The following EPM2A variants were observed in gnomAD, a reference collection of about 807,000 sequenced individuals.
EPM2A encodes EPM2A glucan phosphatase, laforin, also known as laforin.
In EPM2A, 21 loss-of-function variants were observed where a neutral mutation model predicts 26.5. The observed-to-expected ratio is 0.79, with a 90% CI of 0.56 to 1.14. The LOEUF is 1.14. EPM2A is among the 50% of genes most tolerant of loss of function. The pLI, the probability that EPM2A is intolerant of heterozygous loss-of-function variation, is 0.00. For synonymous variants in EPM2A, 217 were observed against 177.6 expected, an observed-to-expected ratio of 1.22 and a Z score of -1.76; for missense variants, 458 against 440.8, an observed-to-expected ratio of 1.04 and a Z score of -0.35.
Position 145,526,628 on chromosome 6 carries a change from C to T in EPM2A, c.341-24053G>A, listed in dbSNP as rs115485259. Among the ~76,000 whole-genome samples the T allele has an allele frequency of 2.8e-3, 423 of 151,964 alleles. 2 individuals are homozygous for T. The highest frequency in any genetic ancestry group is 9.8e-3 in the African/African-American group (407 of 41,476). ...AGGAACTTCTGTATTTCTATGGGAT[C>T]GGTTGTAATGTCATCTGTCATTTCT... On this transcript the variant is annotated intron_variant, in intron 2 of 3. Transcript: ENST00000450221.
At chr6:145,714,815 A>T (rs1358392983) in intron 1 of EPM2A, among the ~76,000 whole-genome samples, 1 of 152,166 alleles carries the variant, frequency 6.6e-6, no homozygotes, top group African/African-American at 2.4e-5. Context: ...CACAAGAAAG[A>T]CCTGCCCTCA....
chr6:145,429,565 C>T lies in EPM2A; in HGVS notation c.556-45468G>A, dbSNP rs1190046146. On this transcript the variant is annotated intron_variant, in intron 4 of 4. Coordinates refer to the EPM2A transcript ENST00000638717. ...CATGTCAAAATTCTGAATATTATAA[C>T]ATTTTATTTTAAAAACTTCCAGAAC... is the stretch of plus-strand genomic sequence containing the variant. 2.6e-5 allele frequency among the ~76,000 whole-genome samples: 4 copies of T among 151,964 alleles called. No homozygotes were observed. In the South Asian group the frequency reaches 6.2e-4, roughly 24 times the overall value.
At chr6:145,411,895 C>T (rs932219589) in intron 4 of EPM2A, among the ~76,000 whole-genome samples, 4 of 152,156 alleles carry the variant, frequency 2.6e-5, no homozygotes, top group African/African-American at 9.7e-5. Flanking sequence ...CTTCCAAAAA[C>T]ACCTTTGCAG....
chr6:145,717,435 T>A (rs1239413090), intron 1 of EPM2A, among the ~76,000 whole-genome samples: 1 of 152,110 alleles, frequency 6.6e-6, no homozygotes, highest in Non-Finnish European at 1.5e-5. Flanking sequence ...TGCTAAAAAC[T>A]CTCAATAAAT....
chr6:145,670,776 A>G (rs986681061), intron 2 of EPM2A: 45 of 267,080 alleles, frequency 1.7e-4, no homozygotes, highest in Admixed American at 9.8e-4. Flanking sequence ...ATATAAAAAT[A>G]TATTTCGAAA....
At position 145,627,604 on chromosome 6, in the gene EPM2A, C is replaced by G; in HGVS notation, c.808G>C (p.Val270Leu). ...HIVYVHCNAGVGRSTAAVCGW... is the reference protein window; with the variant it reads ...HIVYVHCNAGLGRSTAAVCGW... ...CAGACAGCCGCGGTGGAGCGGCCCA[C>G]CCCAGCGTTGCAGTGCACGTACACG... The change falls in exon 4 of 4, where the codon GTG (valine) becomes CTG (leucine). Residue 270 changes from valine to leucine, a missense_variant. Coordinates refer to ENST00000367519, the MANE Select transcript of EPM2A (RefSeq NM_005670.4). The G allele has an allele frequency of 6.2e-7, 1 of 1,614,232 alleles. No homozygotes were observed. Among genetic ancestry groups the G allele is most frequent in the Non-Finnish European group, 8.5e-7 (1 of 1,180,034 alleles).
At chr6:145,705,546 C>A (rs1184175020) in intron 1 of EPM2A, 19 of 456,168 alleles carry the variant, frequency 4.2e-5, no homozygotes, top group South Asian at 1.9e-4. Context: ...CAGACTGAGA[C>A]CCTGTCTCAA....
At chr6:145,692,159 C>G (rs1445298128) in intron 1 of EPM2A, among the ~76,000 whole-genome samples, 2 of 151,902 alleles carry the variant, frequency 1.3e-5, no homozygotes, top group Non-Finnish European at 2.9e-5. Flanking sequence ...ATCAATCTAA[C>G]AAGAAGACAC....
intron 1 of EPM2A, among the ~76,000 whole-genome samples, chr6:145,689,031 A>G (rs1236546950): frequency 1.3e-5 from 2 of 152,210 alleles, no homozygotes; most frequent in Non-Finnish European, 2.9e-5. Context: ...ATTACCTATT[A>G]AAAATATAAT....
chr6:145,615,885 T>C (rs1164324060), intron 2 of EPM2A, among the ~76,000 whole-genome samples: 1 of 152,128 alleles, frequency 6.6e-6, no homozygotes, highest in Non-Finnish European at 1.5e-5. Context: ...GCATTCAAGA[T>C]GTGACTCGGG....
At chr6:145,452,659 C>T (rs6936299) in intron 4 of EPM2A, among the ~76,000 whole-genome samples, 2 of 148,632 alleles carry the variant, frequency 1.3e-5, no homozygotes, top group Non-Finnish European at 3.0e-5. Flanking sequence ...ACTGCACTCC[C>T]GCCTGGGCAA....
chr6:145,531,655 C>T (rs1780356859), intron 2 of EPM2A, among the ~76,000 whole-genome samples: 1 of 152,122 alleles, frequency 6.6e-6, no homozygotes, highest in Non-Finnish European at 1.5e-5. Flanking sequence ...CATACTATGG[C>T]ATAGCTAAGA....
intron 2 of EPM2A, among the ~76,000 whole-genome samples, chr6:145,571,982 A>T (rs752352394): frequency 2.0e-5 from 3 of 152,092 alleles, no homozygotes; most frequent in Non-Finnish European, 4.4e-5. Flanking sequence ...TATTCCCCAA[A>T]TTTCTTTGTC....
At chr6:145,441,505 T>C (rs1779062850) in intron 4 of EPM2A, among the ~76,000 whole-genome samples, 3 of 152,200 alleles carry the variant, frequency 2.0e-5, no homozygotes. Flanking sequence ...GAAAATGAGT[T>C]TTTCTTTCCT....
At chr6:145,674,701 C>A (rs1245182435) in intron 2 of EPM2A, among the ~76,000 whole-genome samples, 2 of 151,572 alleles carry the variant, frequency 1.3e-5, no homozygotes, top group African/African-American at 4.9e-5. Context: ...GATTGAAGAT[C>A]AAATTAATGA....
chr6:145,699,191 A>G (rs1296437671), intron 1 of EPM2A, among the ~76,000 whole-genome samples: 2 of 152,228 alleles, frequency 1.3e-5, no homozygotes, highest in Non-Finnish European at 2.9e-5. Context: ...TGATTCCCAC[A>G]ATAAATGAAC....
intron 4 of EPM2A, among the ~76,000 whole-genome samples, chr6:145,496,573 A>ACAG (rs1779822942): frequency 6.6e-6 from 1 of 152,022 alleles, no homozygotes; most frequent in Non-Finnish European, 1.5e-5. Flanking sequence ...TTTCAGAAAG[A>ACAG]CAGTCTTCAG....
intron 1 of EPM2A, chr6:145,734,849 G>C (rs954733592): frequency 4.4e-5 from 7 of 160,018 alleles, no homozygotes; most frequent in African/African-American, 1.7e-4. Context: ...CCCCGGGCGG[G>C]AGACGAAGGG....
At chr6:145,675,083 T>C (rs1048068328) in intron 2 of EPM2A, among the ~76,000 whole-genome samples, 3 of 152,130 alleles carry the variant, frequency 2.0e-5, no homozygotes, top group Non-Finnish European at 4.4e-5. Context: ...TAACAGCAGA[T>C]CTCTCTGCAG....
Sources: allele counts gnomAD v4.1 joint callset (sites outside exome capture counted in the v4.1 genomes callset), GRCh38; gene constraint gnomAD v4.1.1; transcripts MANE v1.5; gene names NCBI Gene and HGNC (gene_info 2026-07-23, HGNC 2026-07-21).